Variants in SOX5 observed in about 807,000 individuals in gnomAD.
The protein encoded by SOX5 is SRY-box transcription factor 5, also known as transcription factor SOX-5.
A neutral mutation model predicts 92.0 loss-of-function variants in SOX5; 9 were observed. The ratio of observed to expected loss-of-function variants is 0.10; its 90% confidence interval spans 0.06 to 0.17. The LOEUF (loss-of-function observed/expected upper bound fraction) is 0.17, where lower values mean the gene tolerates loss of function less well. Among genes scored for constraint, SOX5 ranks in the 10% least tolerant of loss-of-function variants. The pLI is 1.00. For missense variants in SOX5, 642 were observed against 944.5 expected, an observed-to-expected ratio of 0.68 and a Z score of 4.20; for synonymous variants, 344 against 336.3, an observed-to-expected ratio of 1.02 and a Z score of -0.25.
chr12:23,612,208 T>C (rs551525615), intron 8 of SOX5, among the ~76,000 whole-genome samples: 1 of 152,112 alleles, frequency 6.6e-6, no homozygotes, highest in East Asian at 1.9e-4. Flanking sequence ...CAATAAAATA[T>C]ATTAAAAATA....
chr12:23,882,855 C>T (rs2097012282), intron 2 of SOX5, among the ~76,000 whole-genome samples: 2 of 152,096 alleles, frequency 1.3e-5, no homozygotes, highest in African/African-American at 4.8e-5. Context: ...CCTTGAAATA[C>T]TTGCTGTGTG....
intron 4 of SOX5, among the ~76,000 whole-genome samples, chr12:24,074,483 AT>A: frequency 6.6e-6 from 1 of 152,194 alleles, no homozygotes; most frequent in East Asian, 1.9e-4. Context: ...TTTAGTACCT[AT>A]TTGATTAATG....
At chr12:24,288,801 A>G (rs2140484351) in intron 2 of SOX5, among the ~76,000 whole-genome samples, 1 of 151,872 alleles carries the variant, frequency 6.6e-6, no homozygotes, top group East Asian at 1.9e-4. Flanking sequence ...CCTCCCCACC[A>G]CCTGCACACC....
chr12:23,852,064 A>G (rs779266706), intron 2 of SOX5, among the ~76,000 whole-genome samples: 2 of 152,124 alleles, frequency 1.3e-5, no homozygotes, highest in Non-Finnish European at 2.9e-5. Flanking sequence ...TATATTCAAT[A>G]TTTTCATATG....
At chr12:24,237,105 A>T (rs1196233063) in intron 3 of SOX5, among the ~76,000 whole-genome samples, 1 of 152,228 alleles carries the variant, frequency 6.6e-6, no homozygotes, top group Non-Finnish European at 1.5e-5. Flanking sequence ...AACTCCCAGC[A>T]GCTTACGTAT....
chr12:24,512,054 G>A (rs1283281770), intron 1 of SOX5, among the ~76,000 whole-genome samples: 11 of 151,630 alleles, frequency 7.3e-5, no homozygotes, highest in Non-Finnish European at 1.5e-4. Context: ...AAACAATGAA[G>A]TACCACTATT....
intron 9 of SOX5, among the ~76,000 whole-genome samples, chr12:23,603,399 C>T: frequency 6.9e-6 from 1 of 144,202 alleles, no homozygotes. Flanking sequence ...GGATGGAGAA[C>T]AGAAGCAATT....
At chr12:24,195,789 T>C (rs1005606540) in intron 4 of SOX5, among the ~76,000 whole-genome samples, 3 of 152,212 alleles carry the variant, frequency 2.0e-5, no homozygotes, top group Non-Finnish European at 2.9e-5. Flanking sequence ...AAAAAATACA[T>C]TGATGTTAAG....
intron 9 of SOX5, among the ~76,000 whole-genome samples, chr12:23,600,056 C>T (rs746978362): frequency 6.6e-6 from 1 of 152,150 alleles, no homozygotes; most frequent in Non-Finnish European, 1.5e-5. Context: ...ATAATTAAAA[C>T]ATTTGTTAAG....
chr12:24,407,426 G>A (rs997022490), intron 1 of SOX5: 8 of 152,278 alleles, frequency 5.3e-5, no homozygotes, highest in African/African-American at 1.9e-4. Context: ...TTAATTTCAG[G>A]TTAACTATGG....
chr12:24,478,094 A>C (rs569747844), intron 1 of SOX5, among the ~76,000 whole-genome samples: 1 of 152,200 alleles, frequency 6.6e-6, no homozygotes, highest in South Asian at 2.1e-4. Context: ...CCGAATCCAG[A>C]ACTGTCTACT....
chr12:23,543,782 G>T (rs778141522), intron 12 of SOX5, among the ~76,000 whole-genome samples: 57 of 152,184 alleles, frequency 3.7e-4, no homozygotes, highest in Non-Finnish European at 5.1e-4. Flanking sequence ...CAGAATGGAT[G>T]ATTATAGGGG....
chr12:24,129,251 A>G (rs1230737231), intron 4 of SOX5, among the ~76,000 whole-genome samples: 1 of 152,240 alleles, frequency 6.6e-6, no homozygotes, highest in African/African-American at 2.4e-5. Context: ...TTAGCAACAT[A>G]TTAACAGCTT....
rs1027104168 is a variant in SOX5 at position 23,531,438 on chromosome 12, A to C, written c.*2781T>G. 1 of 152,228 alleles carries C rather than the reference A, an allele frequency of 6.6e-6. No homozygotes were observed. Among genetic ancestry groups the C allele is most frequent in the South Asian group, 2.1e-4 (1 of 4,836 alleles). 9.4% of individuals were successfully genotyped at this position (152,228 alleles called of 1,614,324 possible). A position where few individuals can be genotyped will look rare whatever the true frequency, so the allele number is the denominator to read the frequency against. On this transcript the variant is annotated 3_prime_UTR_variant, in exon 15 of 15. Transcript: ENST00000451604. ...TTGATTTCAGCCATGAATGCCTTCA[A>C]TGGCATCTACCTGGAGCTAAAACAA...
chr12:23,979,004 G>T (rs538255186), intron 4 of SOX5, among the ~76,000 whole-genome samples: 5 of 152,052 alleles, frequency 3.3e-5, no homozygotes, highest in African/African-American at 1.2e-4. Context: ...TTTTTAAAAT[G>T]TATCAATTAA....
chr12:24,082,877 A>G (rs543384692), intron 4 of SOX5, among the ~76,000 whole-genome samples: 3 of 152,084 alleles, frequency 2.0e-5, no homozygotes, highest in African/African-American at 4.8e-5. Flanking sequence ...AATTATTAGA[A>G]GTATACCTCA....
At chr12:24,546,071 A>C (rs2138872049) in intron 1 of SOX5, among the ~76,000 whole-genome samples, 1 of 152,210 alleles carries the variant, frequency 6.6e-6, no homozygotes, top group East Asian at 1.9e-4. Flanking sequence ...CATGACTGTT[A>C]GAGGCACCAT....
chr12:24,325,136 A>C (rs1350227816), intron 2 of SOX5, among the ~76,000 whole-genome samples: 3 of 152,030 alleles, frequency 2.0e-5, no homozygotes, highest in African/African-American at 7.2e-5. Flanking sequence ...AGGTTAAAAA[A>C]TTATTTGTAA....
intron 1 of SOX5, among the ~76,000 whole-genome samples, chr12:24,550,862 A>G (rs867762232): frequency 3.9e-5 from 6 of 152,226 alleles, no homozygotes; most frequent in African/African-American, 1.2e-4. Context: ...GAGCCATGAG[A>G]CACGCATTGA....
Sources: gnomAD v4.1 joint callset for allele counts (sites outside exome capture counted in the v4.1 genomes callset) on GRCh38, gnomAD v4.1.1 for gene constraint, MANE v1.5 for transcripts, NCBI Gene and HGNC (gene_info 2026-07-23, HGNC 2026-07-21) for gene names.